The following SATB1 variants were observed in gnomAD, a reference collection of about 807,000 sequenced individuals.
The protein encoded by SATB1 is DNA-binding protein SATB1.
In SATB1, 11 loss-of-function variants were observed where a neutral mutation model predicts 86.9. The observed-to-expected ratio is 0.13, with a 90% CI of 0.08 to 0.21. The LOEUF (loss-of-function observed/expected upper bound fraction) is 0.21, where lower values mean the gene tolerates loss of function less well. SATB1 is among the 10% of genes least tolerant of loss of function. The pLI, the probability that SATB1 is intolerant of heterozygous loss-of-function variation, is 1.00. For synonymous variants in SATB1, 357 were observed against 357.2 expected (o/e 1.00, Z 0.01); for missense variants, 551 against 937.6 (o/e 0.59, Z 5.39).
Position 18,346,338 on chromosome 3 carries a change from A to C in SATB1, c.*2832T>G, listed in dbSNP as rs1014679003. 2.6e-5 allele frequency: 4 copies of C among 152,164 alleles called. No individual in the cohort carries two copies. Among genetic ancestry groups the C allele is most frequent in the African/African-American group, 9.7e-5 (4 of 41,448 alleles). 9.4% of individuals were successfully genotyped at this position (152,164 alleles called of 1,614,324 possible). The stretch of plus-strand genomic sequence containing the variant: ...AACTACCTGACTCTGCTAAGGTCTT[A>C]ACAGCACAAAACGCTATGTCATGCC... On this transcript the variant is annotated 3_prime_UTR_variant, in exon 11 of 11. Transcript: ENST00000338745.
chr3:18,445,057 C>A (rs1156334481), intron 1 of SATB1: 20 of 305,144 alleles, frequency 6.6e-5, no homozygotes, highest in Non-Finnish European at 9.1e-5. Flanking sequence ...CCGCAGCCAC[C>A]CGGGACGCGC....
Position 18,348,567 on chromosome 3 carries a change from G to C in SATB1, c.*603C>G, listed in dbSNP as rs1390962829. 6.6e-6 allele frequency: 1 copy of C among 151,538 alleles called. No homozygotes were observed. The highest frequency in any genetic ancestry group is 1.5e-5 in the Non-Finnish European group (1 of 67,792). The allele number at this position is 151,538 out of a possible 1,614,324, so 9.4% of individuals were successfully genotyped here. A position where few individuals can be genotyped will look rare whatever the true frequency, so the allele number is the denominator to read the frequency against. On this transcript the variant is annotated 3_prime_UTR_variant, in exon 11 of 11. Coordinates refer to ENST00000338745, the MANE Select transcript of SATB1 (RefSeq NM_002971.6). ...TTTTTAAAAAATCATGTAACAATGA[G>C]AATGAAAAAAAAGTACAGTGAACTT...
At chr3:18,357,031 G>A (rs1387080782) in intron 9 of SATB1, among the ~76,000 whole-genome samples, 1 of 151,628 alleles carries the variant, frequency 6.6e-6, no homozygotes, top group African/African-American at 2.4e-5. Context: ...GCTATAAAAA[G>A]AGAAAGAAAA....
chr3:18,396,242 A>C (rs1396000133), intron 6 of SATB1, among the ~76,000 whole-genome samples: 1 of 152,218 alleles, frequency 6.6e-6, no homozygotes, highest in Non-Finnish European at 1.5e-5. Context: ...TCAAATATTA[A>C]GAGCTAAAAC....
intron 5 of SATB1, among the ~76,000 whole-genome samples, chr3:18,403,848 A>T (rs945720583): frequency 2.6e-5 from 4 of 151,978 alleles, no homozygotes; most frequent in African/African-American, 9.7e-5. Context: ...ACTGGCTTTT[A>T]TTATATTTTT....
intron 9 of SATB1, among the ~76,000 whole-genome samples, chr3:18,355,209 T>A (rs1258477568): frequency 2.6e-5 from 4 of 151,204 alleles, no homozygotes; most frequent in Non-Finnish European, 4.4e-5. Flanking sequence ...CTTAAAAAAA[T>A]AATGGAAAAC....
Position 18,404,544 on chromosome 3 carries a change from C to A in SATB1, c.640-7254G>T, listed in dbSNP as rs551408095. ...AAAAGGAAGCACAAAGAGAACACATCCAATTCTATTTTAATTTTCCTACTA... is the reference window on the plus strand; with the variant it reads ...AAAAGGAAGCACAAAGAGAACACATACAATTCTATTTTAATTTTCCTACTA... On this transcript the variant is annotated intron_variant, in intron 5 of 10. Transcript: ENST00000338745. Among the ~76,000 whole-genome samples the A allele has an allele frequency of 2.6e-5, 4 of 152,008 alleles. No individual in the cohort carries two copies. In the South Asian group the frequency reaches 6.2e-4, roughly 24 times the overall value.
chr3:18,420,327 A>G (rs28666011), intron 2 of SATB1, among the ~76,000 whole-genome samples: 4,487 of 152,298 alleles, frequency 0.029, 230 homozygotes, highest in African/African-American at 0.1. Context: ...AAACTTCTAC[A>G]TAAGATGTCC....
At chr3:18,351,206 T>G in intron 10 of SATB1, 1 of 863,988 alleles carries the variant, frequency 1.2e-6, no homozygotes, top group Non-Finnish European at 1.9e-6. Context: ...CCCAAGACCA[T>G]GGTTAGTAGG....
chr3:18,405,370 T>C (rs1697470433), intron 5 of SATB1, among the ~76,000 whole-genome samples: 2 of 151,930 alleles, frequency 1.3e-5, no homozygotes, highest in South Asian at 4.1e-4. Context: ...AGATACCAAA[T>C]TCGTGTTAAG....
intron 2 of SATB1, among the ~76,000 whole-genome samples, chr3:18,432,722 A>T (rs1283139495): frequency 6.6e-6 from 1 of 152,126 alleles, no homozygotes; most frequent in African/African-American, 2.4e-5. Context: ...GTGTGTATGT[A>T]ATTAATGTCA....
chr3:18,420,200 G>A (rs1290980690), intron 2 of SATB1, among the ~76,000 whole-genome samples: 1 of 152,054 alleles, frequency 6.6e-6, no homozygotes, highest in Non-Finnish European at 1.5e-5. Flanking sequence ...GCCTAAATCT[G>A]TTCTTTCTTC....
chr3:18,417,489 T>C (rs1017958961), intron 2 of SATB1: 3 of 597,168 alleles, frequency 5.0e-6, no homozygotes, highest in South Asian at 4.2e-5. Flanking sequence ...ACCTTTCTAC[T>C]GCTTACATGA....
intron 2 of SATB1, among the ~76,000 whole-genome samples, chr3:18,431,300 C>T (rs1304890442): frequency 6.6e-6 from 1 of 152,162 alleles, no homozygotes; most frequent in African/African-American, 2.4e-5. Flanking sequence ...TTCCCCTTGT[C>T]AGTCCGAAGC....
intron 9 of SATB1, among the ~76,000 whole-genome samples, chr3:18,368,558 T>G (rs2125164376): frequency 6.6e-6 from 1 of 152,170 alleles, no homozygotes; most frequent in East Asian, 1.9e-4. Context: ...AGGAAACTAC[T>G]AAGCAAAAGG....
chr3:18,412,696 C>T (rs1483969330), intron 5 of SATB1, among the ~76,000 whole-genome samples: 1 of 151,976 alleles, frequency 6.6e-6, no homozygotes, highest in Non-Finnish European at 1.5e-5. Flanking sequence ...ATCTTCATCA[C>T]CAAATCTTAA....
At chr3:18,390,143 C>A (rs1224641744) in intron 7 of SATB1, among the ~76,000 whole-genome samples, 1 of 152,066 alleles carries the variant, frequency 6.6e-6, no homozygotes, top group Non-Finnish European at 1.5e-5. Context: ...ATTATGAATT[C>A]TTTAAAACAG....
chr3:18,381,079 G>A (rs1286086037), intron 8 of SATB1, among the ~76,000 whole-genome samples: 1 of 152,238 alleles, frequency 6.6e-6, no homozygotes, highest in Non-Finnish European at 1.5e-5. Context: ...CGGGGAAGTA[G>A]TTAAGAATTG....
chr3:18,374,197 T>C (rs942567794), intron 9 of SATB1, among the ~76,000 whole-genome samples: 1 of 152,142 alleles, frequency 6.6e-6, no homozygotes, highest in African/African-American at 2.4e-5. Context: ...ACACCTTAAG[T>C]CTCAGAGCTC....
Sources: allele counts gnomAD v4.1 joint callset (sites outside exome capture counted in the v4.1 genomes callset), GRCh38; gene constraint gnomAD v4.1.1; transcripts MANE v1.5; gene names NCBI Gene and HGNC (gene_info 2026-07-23, HGNC 2026-07-21).